Variants in BCAS4 observed in about 807,000 individuals in gnomAD.
The protein encoded by BCAS4 is breast carcinoma amplified sequence 4, also known as breast carcinoma-amplified sequence 4.
Under a neutral mutation model 15.7 loss-of-function variants are expected in BCAS4, and 9 were observed. The ratio of observed to expected loss-of-function variants is 0.57; its 90% CI spans 0.34 to 1.00. The LOEUF is 1.00. Among genes scored for constraint, BCAS4 ranks in the 50% least tolerant of loss-of-function variants. The pLI is 0.02. For missense variants in BCAS4, 225 were observed against 239.1 expected (o/e 0.94, Z 0.39); for synonymous variants, 101 against 99.5 (o/e 1.02, Z -0.09).
At chr20:50,867,199 C>G (rs983159093) in intron 4 of BCAS4, among the ~76,000 whole-genome samples, 3 of 152,204 alleles carry the variant, frequency 2.0e-5, no homozygotes, top group African/African-American at 7.2e-5. Context: ...TCCACAGTTG[C>G]TTCTGTTTCC....
At chr20:50,814,525 T>A (rs1600854207) in intron 1 of BCAS4, among the ~76,000 whole-genome samples, 1 of 152,334 alleles carries the variant, frequency 6.6e-6, no homozygotes, top group East Asian at 1.9e-4. Flanking sequence ...GCTCAAGCGA[T>A]CCTCTGGCCT....
chr20:50,813,215 T>A (rs569441700), intron 1 of BCAS4, among the ~76,000 whole-genome samples: 1 of 152,332 alleles, frequency 6.6e-6, no homozygotes, highest in South Asian at 2.1e-4. Context: ...GCTGCACAAT[T>A]GTACCCTTCC....
At chr20:50,844,746 CA>C (rs1317012730) in intron 4 of BCAS4, among the ~76,000 whole-genome samples, 7 of 137,434 alleles carry the variant, frequency 5.1e-5, no homozygotes, top group Admixed American at 2.8e-4. Context: ...AGGGATGTGG[CA>C]TCCCCCCCCG....
chr20:50,817,651 G>A (rs369589160), intron 1 of BCAS4, among the ~76,000 whole-genome samples: 5 of 152,138 alleles, frequency 3.3e-5, no homozygotes, highest in African/African-American at 7.2e-5. Flanking sequence ...GAGTAGAGAC[G>A]GGGTTCTGCC....
At chr20:50,809,833 G>A (rs1394955908) in intron 1 of BCAS4, among the ~76,000 whole-genome samples, 1 of 152,114 alleles carries the variant, frequency 6.6e-6, no homozygotes, top group Admixed American at 6.6e-5. Flanking sequence ...CCTGGGTTAG[G>A]TATATTCCTA....
At chr20:50,817,627 A>G (rs2088156431) in intron 1 of BCAS4, among the ~76,000 whole-genome samples, 1 of 152,058 alleles carries the variant, frequency 6.6e-6, no homozygotes, top group South Asian at 2.1e-4. Flanking sequence ...ATGCCCGGCT[A>G]ATTTTTGTAT....
At chr20:50,845,558 G>A (rs1189695897) in intron 4 of BCAS4, among the ~76,000 whole-genome samples, 1 of 152,166 alleles carries the variant, frequency 6.6e-6, no homozygotes, top group Non-Finnish European at 1.5e-5. Flanking sequence ...CAGGCAGCCG[G>A]GGGCTCGGAG....
At chr20:50,819,235 A>C (rs1225459793) in intron 2 of BCAS4, among the ~76,000 whole-genome samples, 1 of 152,040 alleles carries the variant, frequency 6.6e-6, no homozygotes, top group Non-Finnish European at 1.5e-5. Flanking sequence ...TGTTCCTAGG[A>C]TTGCTGCCAG....
intron 1 of BCAS4, among the ~76,000 whole-genome samples, chr20:50,797,645 T>A (rs1474031626): frequency 2.0e-5 from 3 of 152,190 alleles, no homozygotes; most frequent in African/African-American, 7.2e-5. Flanking sequence ...TAATTGGAGC[T>A]ACAAATGTGA....
At chr20:50,809,327 A>G (rs1569019330) in intron 1 of BCAS4, among the ~76,000 whole-genome samples, 2 of 152,156 alleles carry the variant, frequency 1.3e-5, no homozygotes, top group East Asian at 3.9e-4. Context: ...CTCCTGCCTC[A>G]GTGTCCCCAA....
intron 1 of BCAS4, among the ~76,000 whole-genome samples, chr20:50,817,549 G>A (rs186098291): frequency 1.4e-3 from 214 of 152,092 alleles, no homozygotes; most frequent in Non-Finnish European, 2.2e-3. Context: ...TGCAGCCTCC[G>A]CCTCCTAGGT....
intron 1 of BCAS4, among the ~76,000 whole-genome samples, chr20:50,815,160 C>T (rs1173335045): frequency 6.6e-6 from 1 of 152,176 alleles, no homozygotes; most frequent in Non-Finnish European, 1.5e-5. Context: ...GTTCCAGCTG[C>T]ATGGCTGGCA....
intron 4 of BCAS4, among the ~76,000 whole-genome samples, chr20:50,873,549 C>T (rs1032935050): frequency 4.6e-5 from 7 of 152,248 alleles, no homozygotes; most frequent in Admixed American, 2.6e-4. Context: ...CTCAGGCCAT[C>T]ATTAAAAAGA....
At chr20:50,860,880 TAAATA>T (rs1238545140) in intron 4 of BCAS4, among the ~76,000 whole-genome samples, 4 of 147,544 alleles carry the variant, frequency 2.7e-5, no homozygotes, top group African/African-American at 5.0e-5. Flanking sequence ...CTCAAAAAAA[TAAATA>T]AAAGAAAAAG....
At chr20:50,853,605 A>T (rs73615347) in intron 4 of BCAS4, among the ~76,000 whole-genome samples, 6,446 of 150,556 alleles carry the variant, frequency 0.043, 176 homozygotes, top group Admixed American at 0.086. Flanking sequence ...AAGGATGCAG[A>T]CCAGGCCTCA....
chr20:50,867,964 G>A (rs1479126245), intron 4 of BCAS4, among the ~76,000 whole-genome samples: 1 of 151,826 alleles, frequency 6.6e-6, no homozygotes, highest in Non-Finnish European at 1.5e-5. Context: ...TTACAGGCAT[G>A]AGCCACCACG....
chr20:50,852,863 G>A (rs1183752096), intron 4 of BCAS4, among the ~76,000 whole-genome samples: 3 of 152,190 alleles, frequency 2.0e-5, no homozygotes, highest in Non-Finnish European at 4.4e-5. Context: ...ACATGAACTC[G>A]TGGGTGGGTA....
chr20:50,836,522 G>A (rs2088412364), intron 3 of BCAS4, among the ~76,000 whole-genome samples: 1 of 152,232 alleles, frequency 6.6e-6, no homozygotes, highest in Non-Finnish European at 1.5e-5. Context: ...CCACAAGGCT[G>A]AGAGAGGGAT....
intron 3 of BCAS4, among the ~76,000 whole-genome samples, chr20:50,831,845 C>T (rs2088347598): frequency 6.6e-6 from 1 of 152,160 alleles, no homozygotes; most frequent in Non-Finnish European, 1.5e-5. Context: ...TCCCAAGCTG[C>T]AGAGGGAGGG....
Sources: allele counts gnomAD v4.1 joint callset (sites outside exome capture counted in the v4.1 genomes callset), GRCh38; gene constraint gnomAD v4.1.1; transcripts MANE v1.5; gene names NCBI Gene and HGNC (gene_info 2026-07-23, HGNC 2026-07-21).